The following ZSCAN25 variants were observed in gnomAD, a reference collection of about 807,000 sequenced individuals.
ZSCAN25 encodes zinc finger and SCAN domain containing 25, also known as zinc finger and SCAN domain-containing protein 25.
A neutral mutation model predicts 38.7 loss-of-function variants in ZSCAN25; 27 were observed. The ratio of observed to expected loss-of-function variants is 0.70; its 90% CI spans 0.51 to 0.96. The LOEUF is 0.96. Ranked by LOEUF, ZSCAN25 falls within the 40% of genes least tolerant of loss-of-function variation. The pLI, the probability that ZSCAN25 is intolerant of heterozygous loss-of-function variation, is 0.00. For synonymous variants in ZSCAN25, 273 were observed against 277.7 expected, an observed-to-expected ratio of 0.98 and a Z score of 0.17; for missense variants, 637 against 705.9, an observed-to-expected ratio of 0.90 and a Z score of 1.11.
the ZSCAN25 span, among the ~76,000 whole-genome samples, chr7:99,696,925 C>G: frequency 6.6e-6 from 1 of 152,198 alleles, no homozygotes. Flanking sequence ...CCCTCTCTTG[C>G]TTCTGCTCCA....
downstream of ZSCAN25, among the ~76,000 whole-genome samples, chr7:99,632,986 G>GTTT (rs201141594): frequency 5.7e-5 from 8 of 141,468 alleles, no homozygotes; most frequent in South Asian, 2.4e-4. Flanking sequence ...TGCATTTTCT[G>GTTT]TTGTTTTTTT....
At chr7:99,681,088 C>T in the ZSCAN25 span, among the ~76,000 whole-genome samples, 1 of 152,218 alleles carries the variant, frequency 6.6e-6, no homozygotes, top group African/African-American at 2.4e-5. Flanking sequence ...TTTCACTTAA[C>T]ATGATGACCT....
At chr7:99,673,909 C>T in the ZSCAN25 span, among the ~76,000 whole-genome samples, 1 of 152,216 alleles carries the variant, frequency 6.6e-6, no homozygotes, top group Non-Finnish European at 1.5e-5. Flanking sequence ...TAGCCTAGTT[C>T]AGACTGAAGA....
chr7:99,640,364 G>T, the ZSCAN25 span, among the ~76,000 whole-genome samples: 594 of 152,236 alleles, frequency 3.9e-3, 6 homozygotes, highest in African/African-American at 0.012. Context: ...CACCATGTTG[G>T]TCAGGCTGGT....
At chr7:99,708,583 A>G in the ZSCAN25 span, among the ~76,000 whole-genome samples, 1 of 152,082 alleles carries the variant, frequency 6.6e-6, no homozygotes, top group Non-Finnish European at 1.5e-5. Flanking sequence ...ATGCTACTGT[A>G]TTGATGGAAA....
chr7:99,673,753 T>A, the ZSCAN25 span, among the ~76,000 whole-genome samples: 4 of 152,152 alleles, frequency 2.6e-5, no homozygotes, highest in Admixed American at 2.0e-4. Flanking sequence ...GAGCACATAT[T>A]AGAAGGGTCT....
the ZSCAN25 span, chr7:99,652,355 C>G: frequency 1.5e-5 from 7 of 457,196 alleles, no homozygotes; most frequent in Admixed American, 7.7e-5. Flanking sequence ...TTGTCTTGTG[C>G]TGGGACTGTG....
At chr7:99,717,446 G>C in the ZSCAN25 span, 1 of 1,592,472 alleles carries the variant, frequency 6.3e-7, no homozygotes, top group Non-Finnish European at 8.6e-7. Flanking sequence ...CCTCGGAAAG[G>C]AACTCTGATC....
the ZSCAN25 span, chr7:99,709,176 A>G: frequency 1.9e-6 from 3 of 1,614,050 alleles, no homozygotes; most frequent in Non-Finnish European, 2.5e-6. Context: ...CTCAAGTCTC[A>G]TAGCAACTGG....
chr7:99,708,094 G>A, the ZSCAN25 span: 1 of 1,407,234 alleles, frequency 7.1e-7, no homozygotes, highest in Non-Finnish European at 9.9e-7. Flanking sequence ...TACTTTTGTG[G>A]GCTAGTCACT....
chr7:99,621,317 C>T (rs528938281), intron 4 of ZSCAN25, 56 bp from the exon 5 acceptor site: 406 of 1,303,620 alleles, frequency 3.1e-4, no homozygotes, highest in Non-Finnish European at 3.8e-4. Flanking sequence ...GTTCAACTCC[C>T]TTCATAACAG....
At chr7:99,703,040 A>G in the ZSCAN25 span, among the ~76,000 whole-genome samples, 1 of 152,042 alleles carries the variant, frequency 6.6e-6, no homozygotes, top group East Asian at 1.9e-4. Context: ...TTTTTGCCAA[A>G]TTGTTCACTA....
At chr7:99,650,970 T>A in the ZSCAN25 span, among the ~76,000 whole-genome samples, 1 of 152,206 alleles carries the variant, frequency 6.6e-6, no homozygotes, top group Non-Finnish European at 1.5e-5. Flanking sequence ...AAATATTTGA[T>A]TATATTAAGG....
chr7:99,674,293 T>C, the ZSCAN25 span: 8 of 381,742 alleles, frequency 2.1e-5, no homozygotes, highest in African/African-American at 1.0e-4. Flanking sequence ...ATATTTTCTA[T>C]GGAGCATCTT....
the ZSCAN25 span, among the ~76,000 whole-genome samples, chr7:99,646,959 A>T: frequency 2.6e-5 from 4 of 152,196 alleles, no homozygotes; most frequent in East Asian, 7.7e-4. Flanking sequence ...ATGTACACTG[A>T]TACATCCATT....
the ZSCAN25 span, among the ~76,000 whole-genome samples, chr7:99,679,382 C>T: frequency 6.6e-6 from 1 of 152,172 alleles, no homozygotes; most frequent in Admixed American, 6.5e-5. Flanking sequence ...GCTACACATC[C>T]CTTCCAGCAG....
At chr7:99,657,695 C>A in the ZSCAN25 span, among the ~76,000 whole-genome samples, 5 of 152,234 alleles carry the variant, frequency 3.3e-5, no homozygotes, top group South Asian at 1.0e-3. Context: ...TTAAAGTCTT[C>A]CATTATTATT....
the ZSCAN25 span, among the ~76,000 whole-genome samples, chr7:99,709,738 C>T: frequency 6.6e-6 from 1 of 151,416 alleles, no homozygotes; most frequent in Non-Finnish European, 1.5e-5. Context: ...TATATACAAA[C>T]AAAAACAGTT....
the ZSCAN25 span, among the ~76,000 whole-genome samples, chr7:99,681,239 A>AT: frequency 1.3e-5 from 2 of 152,046 alleles, no homozygotes; most frequent in Non-Finnish European, 2.9e-5. Flanking sequence ...AAATCTTGGC[A>AT]TTTGTGAATA....
Sources: gnomAD v4.1 joint callset for allele counts (sites outside exome capture counted in the v4.1 genomes callset) on GRCh38, gnomAD v4.1.1 for gene constraint, MANE v1.5 for transcripts, NCBI Gene and HGNC (gene_info 2026-07-23, HGNC 2026-07-21) for gene names.